The following DCUN1D4 variants were observed in gnomAD, a reference collection of about 807,000 sequenced individuals.
DCUN1D4 encodes the protein defective in cullin neddylation 1 domain containing 4.
In DCUN1D4, 22 loss-of-function variants were observed where a neutral mutation model predicts 47.9. The ratio of observed to expected loss-of-function variants is 0.46; its 90% CI spans 0.33 to 0.66. The LOEUF (loss-of-function observed/expected upper bound fraction) is 0.66, where lower values mean the gene tolerates loss of function less well. Among genes scored for constraint, DCUN1D4 ranks in the 30% least tolerant of loss-of-function variants. The pLI is 0.02. For missense variants in DCUN1D4, 301 were observed against 340.8 expected, an observed-to-expected ratio of 0.88 and a Z score of 0.92; for synonymous variants, 121 against 112.2, an observed-to-expected ratio of 1.08 and a Z score of -0.50.
chr4:51,845,161 A>G lies in DCUN1D4; in HGVS notation c.25+1894A>G, dbSNP rs865991054. The stretch of plus-strand genomic sequence containing the variant: ...AACACAATGTAAAGCAGCCTTTAGA[A>G]TGGTGTATTTAATTTTGGCATCCAG... On this transcript the variant is annotated intron_variant, in intron 1 of 10. Transcript: ENST00000334635. 70 of 985,458 alleles carry G rather than the reference A, an allele frequency of 7.1e-5. No homozygotes were observed. The Middle Eastern group carries it at 1.6e-3, about 22-fold the overall frequency. The allele number at this position is 985,458 out of a possible 1,614,324, so 61.0% of individuals were successfully genotyped here. A position where few individuals can be genotyped will look rare whatever the true frequency, so the allele number is the denominator to read the frequency against.
intron 1 of DCUN1D4, among the ~76,000 whole-genome samples, chr4:51,850,976 G>A (rs1723277222): frequency 6.6e-6 from 1 of 152,070 alleles, no homozygotes; most frequent in Non-Finnish European, 1.5e-5. Context: ...AAGAAAGTAG[G>A]AGGCAAAAAT....
intron 3 of DCUN1D4, among the ~76,000 whole-genome samples, chr4:51,867,051 C>T (rs1726055913): frequency 2.6e-5 from 4 of 152,250 alleles, no homozygotes; most frequent in Admixed American, 2.6e-4. Context: ...GCTCCAATCA[C>T]TGCACACAGC....
At chr4:51,912,860 T>C (rs1025339164) in intron 9 of DCUN1D4, among the ~76,000 whole-genome samples, 2 of 152,200 alleles carry the variant, frequency 1.3e-5, no homozygotes, top group Non-Finnish European at 2.9e-5. Flanking sequence ...ATGTCAGGGG[T>C]TATATTAATG....
intron 3 of DCUN1D4, among the ~76,000 whole-genome samples, chr4:51,866,614 T>C (rs1226059023): frequency 6.6e-6 from 1 of 152,230 alleles, no homozygotes; most frequent in Non-Finnish European, 1.5e-5. Context: ...TGTTTAACTT[T>C]TAGCCACCAC....
In DCUN1D4 at chr4:51,843,216, G is replaced by A; in HGVS notation, c.-27G>A. 1.3e-6 allele frequency: 2 copies of A among 1,540,434 alleles called. No individual in the cohort carries two copies. The highest frequency in any genetic ancestry group is 2.8e-5 in the African/African-American group (2 of 72,236). On this transcript the variant is annotated 5_prime_UTR_variant, in exon 1 of 11. Transcript: ENST00000334635. The stretch of plus-strand genomic sequence containing the variant: ...GCGAGGCGAGCGCGGGAGCCTGGGC[G>A]GCGAGCCGGGTGTGAGCTGCCTGAA...
chr4:51,874,169 T>G (rs1727319441), intron 3 of DCUN1D4, 102 bp from the exon 4 acceptor site: 2 of 614,790 alleles, frequency 3.3e-6, no homozygotes, highest in South Asian at 7.2e-5. Context: ...TTCCTTACAA[T>G]ACAAGCTGTG....
Position 51,886,582 on chromosome 4 carries a change from G to A in DCUN1D4, c.358G>A (p.Val120Ile). 6.2e-7 allele frequency: 1 copy of A among 1,613,890 alleles called. No individual in the cohort carries two copies. Among genetic ancestry groups the A allele is most frequent in the African/African-American group, 1.3e-5 (1 of 75,028 alleles). Residue 120 changes from valine (V) to isoleucine (I), a missense_variant, in exon 6 of 11, where the codon GTA (valine) becomes ATA (isoleucine). By Grantham distance (29) the Val-to-Ile change is conservative. Transcript: ENST00000334635. ...FYEYAGTDDV[V>I]GPEGMEKFCE... ...GTATTTCACAGGAACTGATGATGTT[G>A]TAGGCCCTGAAGGCATGGAGAAATT...
At chr4:51,843,671 C>T (rs1274984850) in intron 1 of DCUN1D4, 28 of 1,226,426 alleles carry the variant, frequency 2.3e-5, no homozygotes, top group Non-Finnish European at 2.4e-5. Flanking sequence ...AGGGAGCGAG[C>T]GAGCGAGCGG....
chr4:51,873,792 A>G (rs553946588), intron 3 of DCUN1D4, among the ~76,000 whole-genome samples: 1 of 152,326 alleles, frequency 6.6e-6, no homozygotes, highest in East Asian at 1.9e-4. Flanking sequence ...TTCTGCTTAA[A>G]AAACCCCAAA....
chr4:51,877,981 G>GAC (rs56783312), intron 5 of DCUN1D4, 127 bp downstream of exon 5: 1 of 522,726 alleles, frequency 1.9e-6, no homozygotes, highest in East Asian at 3.0e-5. Context: ...GTCCCTGTTA[G>GAC]AGGGAGAGAG....
rs1178091831 is a variant in DCUN1D4 at position 51,914,822 on chromosome 4, T to C, written c.*1238T>C. 5 of 90,854 alleles carry C rather than the reference T, an allele frequency of 5.5e-5. No homozygotes were observed. The highest frequency in any genetic ancestry group is 8.9e-5 in the Non-Finnish European group (4 of 45,030). 5.6% of individuals were successfully genotyped at this position (90,854 alleles called of 1,614,324 possible). On this transcript the variant is annotated 3_prime_UTR_variant, in exon 11 of 11. Transcript: ENST00000334635. ...GGTATTTTTAGGTTTGTATTTTATG[T>C]CTTTTTTTTTTTTTTTTTTTGCCAT...
At chr4:51,877,164 C>T (rs906662241) in intron 4 of DCUN1D4, among the ~76,000 whole-genome samples, 2 of 152,192 alleles carry the variant, frequency 1.3e-5, no homozygotes, top group Non-Finnish European at 2.9e-5. Context: ...GCTAGTTTCT[C>T]TATACTTCTG....
chr4:51,880,290 A>AT (rs1728384808), intron 5 of DCUN1D4, among the ~76,000 whole-genome samples: 1 of 152,228 alleles, frequency 6.6e-6, no homozygotes, highest in Admixed American at 6.5e-5. Context: ...GACCCCCTAG[A>AT]TACCAGCACG....
chr4:51,837,654 C>CAAAAAAAAAAA, the DCUN1D4 span, among the ~76,000 whole-genome samples: 14 of 46,188 alleles, frequency 3.0e-4, no homozygotes, highest in African/African-American at 6.7e-4. Flanking sequence ...GACTCCGTCT[C>CAAAAAAAAAAA]AAAAAAAAAA....
chr4:51,851,385 T>A (rs530220894), intron 1 of DCUN1D4, among the ~76,000 whole-genome samples: 1 of 152,220 alleles, frequency 6.6e-6, no homozygotes, highest in East Asian at 1.9e-4. Context: ...GAAGTTGGAT[T>A]ATGTGAAGAA....
intron 8 of DCUN1D4, among the ~76,000 whole-genome samples, chr4:51,901,400 T>C (rs1473852038): frequency 6.6e-6 from 1 of 152,190 alleles, no homozygotes; most frequent in African/African-American, 2.4e-5. Flanking sequence ...AAGTCTAGTA[T>C]GTGGGTTACT....
At chr4:51,844,864 C>G in intron 1 of DCUN1D4, 1 of 985,332 alleles carries the variant, frequency 1.0e-6, no homozygotes, top group Non-Finnish European at 1.2e-6. Context: ...ATGCAGCGCG[C>G]CCTTGGAGCC....
At chr4:51,852,585 A>T (rs1204811148) in intron 1 of DCUN1D4, among the ~76,000 whole-genome samples, 1 of 152,084 alleles carries the variant, frequency 6.6e-6, no homozygotes, top group African/African-American at 2.4e-5. Context: ...TCACCTTGTG[A>T]TCTCTTCTGC....
Position 51,915,847 on chromosome 4 carries a change from G to GT in DCUN1D4, c.*2264dup, listed in dbSNP as rs1369168722. ...CTATTGCATTATGTATGATAAGAAA[G>GT]TAAGTATTCCAAAGGGATAATCTTG... On this transcript the variant is annotated 3_prime_UTR_variant, in exon 11 of 11. Coordinates refer to ENST00000334635, the MANE Select transcript of DCUN1D4 (RefSeq NM_001040402.3). 1 of 152,544 alleles carries GT rather than the reference G, an allele frequency of 6.6e-6. No homozygotes were observed. Among genetic ancestry groups the GT allele is most frequent in the Non-Finnish European group, 1.5e-5 (1 of 67,990 alleles). 9.4% of individuals were successfully genotyped at this position (152,544 alleles called of 1,614,324 possible). A position where few individuals can be genotyped will look rare whatever the true frequency, so the allele number is the denominator to read the frequency against.
Sources: allele counts gnomAD v4.1 joint callset (sites outside exome capture counted in the v4.1 genomes callset), GRCh38; gene constraint gnomAD v4.1.1; transcripts MANE v1.5; gene names NCBI Gene and HGNC (gene_info 2026-07-23, HGNC 2026-07-21).